The following LIMCH1 variants were observed in gnomAD, a reference collection of about 807,000 sequenced individuals.
LIMCH1 encodes the protein LIM and calponin homology domains 1.
A neutral mutation model predicts 176.5 loss-of-function variants in LIMCH1; 113 were observed. That is an observed-to-expected ratio of 0.64 (90% CI 0.55 to 0.75). The LOEUF is 0.75. LIMCH1 is among the 30% of genes least tolerant of loss of function. The pLI is 0.00. For missense variants in LIMCH1, 1,674 were observed against 1,814.9 expected, an observed-to-expected ratio of 0.92 and a Z score of 1.41; for synonymous variants, 619 against 645.9, an observed-to-expected ratio of 0.96 and a Z score of 0.63.
intron 22 of LIMCH1, among the ~76,000 whole-genome samples, chr4:41,673,378 A>C (rs1190632247): frequency 6.6e-6 from 1 of 152,244 alleles, no homozygotes; most frequent in Non-Finnish European, 1.5e-5. Flanking sequence ...GAGGAAGGGC[A>C]TTCCAAAGAA....
chr4:41,535,772 T>G (rs1165049015), upstream of LIMCH1, among the ~76,000 whole-genome samples: 1 of 152,200 alleles, frequency 6.6e-6, no homozygotes, highest in African/African-American at 2.4e-5. Flanking sequence ...ATCCTCTTTC[T>G]GCACCACCAC....
intron 2 of LIMCH1, among the ~76,000 whole-genome samples, chr4:41,508,218 T>G (rs1156890442): frequency 6.6e-6 from 1 of 152,192 alleles, no homozygotes; most frequent in Admixed American, 6.5e-5. Context: ...ATATAAGGAT[T>G]TGGTGGTTTG....
rs2078165926 is a variant in LIMCH1 at position 41,538,210 on chromosome 4, G to A, written c.-381G>A. 1.0e-6 allele frequency: 1 copy of A among 985,654 alleles called. No individual in the cohort carries two copies. The highest frequency in any genetic ancestry group is 1.2e-6 in the Non-Finnish European group (1 of 830,050). 61.1% of individuals were successfully genotyped at this position (985,654 alleles called of 1,614,324 possible). A position where few individuals can be genotyped will look rare whatever the true frequency, so the allele number is the denominator to read the frequency against. Reference sequence around the variant, plus strand: ...GGACAGAGCAGGGGTTGGCAGTGGTGACGACTGTTTTGGGAAAGGAAATGT... The same window carrying A: ...GGACAGAGCAGGGGTTGGCAGTGGTAACGACTGTTTTGGGAAAGGAAATGT... On this transcript the variant is annotated 5_prime_UTR_variant, in exon 1 of 32. Transcript: ENST00000503057.
rs568705415 is a variant in LIMCH1 at position 41,580,386 on chromosome 4, A to T, written c.-240-18534A>T. ...TAATAACAAGAAGGCAATTTAAAAA[A>T]TTTTACCCACTTGCAAATTATGAAA... On this transcript the variant is annotated intron_variant, in intron 1 of 31. Transcript: ENST00000503057. Among the ~76,000 whole-genome samples the T allele has an allele frequency of 7.9e-5, 12 of 152,324 alleles. 1 individual carries two copies. The highest frequency in any genetic ancestry group is 2.2e-4 in the African/African-American group (9 of 41,586).
chr4:41,480,940 G>C (rs2068499550), intron 1 of LIMCH1, among the ~76,000 whole-genome samples: 1 of 151,988 alleles, frequency 6.6e-6, no homozygotes, highest in African/African-American at 2.4e-5. Flanking sequence ...CCCATTTTCT[G>C]CATCTAGATC....
At chr4:41,687,516 A>T (rs1158395805) in intron 28 of LIMCH1, among the ~76,000 whole-genome samples, 1 of 152,166 alleles carries the variant, frequency 6.6e-6, no homozygotes, top group African/African-American at 2.4e-5. Flanking sequence ...AGCAACTTTT[A>T]AAAAACAACC....
intron 23 of LIMCH1, among the ~76,000 whole-genome samples, 164 bp downstream of exon 23, chr4:41,676,626 G>T (rs564318193): frequency 1.3e-5 from 2 of 152,246 alleles, no homozygotes; most frequent in African/African-American, 4.8e-5. Flanking sequence ...AGGGTACCCT[G>T]TGTCTCATTC....
intron 18 of LIMCH1, among the ~76,000 whole-genome samples, chr4:41,654,094 A>G (rs1050224478): frequency 6.6e-6 from 1 of 152,260 alleles, no homozygotes; most frequent in Non-Finnish European, 1.5e-5. Flanking sequence ...TAAAGCCACT[A>G]GAAAAGTATA....
At chr4:41,499,963 G>A (rs1261204252) in intron 2 of LIMCH1, among the ~76,000 whole-genome samples, 1 of 152,172 alleles carries the variant, frequency 6.6e-6, no homozygotes, top group African/African-American at 2.4e-5. Context: ...TTCCAGACCA[G>A]CTATTTTGTA....
At chr4:41,658,916 T>C (rs1318882346) in intron 18 of LIMCH1, among the ~76,000 whole-genome samples, 2 of 152,196 alleles carry the variant, frequency 1.3e-5, no homozygotes, top group Non-Finnish European at 2.9e-5. Flanking sequence ...TTTTCTATAA[T>C]GTAATCCATT....
chr4:41,577,892 G>A (rs374701236), intron 1 of LIMCH1, among the ~76,000 whole-genome samples: 15 of 152,146 alleles, frequency 9.9e-5, no homozygotes, highest in East Asian at 7.7e-4. Context: ...CTATTTAAGC[G>A]ATCTCTTGTT....
In LIMCH1 at chr4:41,503,565, C is replaced by G. The variant is rs530195124; in HGVS notation, c.167+8959C>G. Reference sequence around the variant, plus strand: ...AAGGTTTATTAGGTCTCTTTGAGGCCTTGGTTAGACTTACATAGGGGTGTG... The same window carrying G: ...AAGGTTTATTAGGTCTCTTTGAGGCGTTGGTTAGACTTACATAGGGGTGTG... On this transcript the variant is annotated intron_variant, in intron 2 of 26. Transcript: ENST00000313860. Among the ~76,000 whole-genome samples the G allele has an allele frequency of 3.9e-5, 6 of 152,224 alleles. No individual in the cohort carries two copies. In the South Asian group the frequency reaches 1.0e-3, roughly 26 times the overall value.
At chr4:41,439,614 A>T (rs748730996) in intron 1 of LIMCH1, among the ~76,000 whole-genome samples, 5 of 152,186 alleles carry the variant, frequency 3.3e-5, no homozygotes, top group South Asian at 2.1e-4. Context: ...AAAATTTCTT[A>T]AAAAAGTGGG....
chr4:41,618,931 C>A lies in LIMCH1; in HGVS notation c.206-257C>A, dbSNP rs2092349525. 5.9e-5 allele frequency among the ~76,000 whole-genome samples: 9 copies of A among 152,246 alleles called. No homozygotes were observed. The South Asian group carries it at 1.9e-3, about 32-fold the overall frequency. On this transcript the variant is annotated intron_variant, in intron 5 of 31. Transcript: ENST00000503057. ...TGCAGATGTGTTGCTAATTGTAATT[C>A]TCGGATACAGTTAGGCTTATGTCTG...
chr4:41,480,955 A>G (rs1428591937), intron 1 of LIMCH1, among the ~76,000 whole-genome samples: 1 of 152,070 alleles, frequency 6.6e-6, no homozygotes, highest in Admixed American at 6.6e-5. Context: ...TAGATCATAC[A>G]AGGGCTCGAT....
At chr4:41,643,099 G>A (rs114111811) in intron 14 of LIMCH1, among the ~76,000 whole-genome samples, 1,574 of 152,322 alleles carry the variant, frequency 0.01, 11 homozygotes, top group South Asian at 0.019. Context: ...AACATCTGGA[G>A]AGCAGAGAGA....
At chr4:41,649,663 A>G (rs2152939975) in intron 17 of LIMCH1, among the ~76,000 whole-genome samples, 1 of 152,240 alleles carries the variant, frequency 6.6e-6, no homozygotes, top group South Asian at 2.1e-4. Context: ...CCCTCTCAAA[A>G]CCACTCTACT....
chr4:41,695,785 T>C (rs536527706), intron 31 of LIMCH1, among the ~76,000 whole-genome samples: 1 of 152,180 alleles, frequency 6.6e-6, no homozygotes, highest in South Asian at 2.1e-4. Context: ...TGTTTAATTC[T>C]TTGCTGATGT....
chr4:41,603,788 C>A, intron 2 of LIMCH1, 87 bp from the exon 3 acceptor site: 2 of 868,554 alleles, frequency 2.3e-6, no homozygotes, highest in Non-Finnish European at 3.8e-6. Flanking sequence ...ATGTTAGCTT[C>A]AAGTACATCT....
Sources: allele counts gnomAD v4.1 joint callset (sites outside exome capture counted in the v4.1 genomes callset), GRCh38; gene constraint gnomAD v4.1.1; transcripts MANE v1.5; gene names NCBI Gene and HGNC (gene_info 2026-07-23, HGNC 2026-07-21).